Variants in FAM199X observed in about 807,000 individuals in gnomAD.
FAM199X encodes family with sequence similarity 199, X-linked.
Under a neutral mutation model 22.9 loss-of-function variants are expected in FAM199X, and 4 were observed. The observed-to-expected ratio is 0.17, with a 90% CI of 0.09 to 0.40. The LOEUF is 0.40. Ranked by LOEUF, FAM199X falls within the 10% of genes least tolerant of loss-of-function variation. The pLI is 1.00. For missense variants in FAM199X, 183 were observed against 306.8 expected, an observed-to-expected ratio of 0.60 and a Z score of 3.01; for synonymous variants, 101 against 112.3, an observed-to-expected ratio of 0.90 and a Z score of 0.64.
intron 1 of FAM199X, among the ~76,000 whole-genome samples, chrX:104,170,223 A>G (rs1421270862): frequency 1.8e-5 from 2 of 112,067 alleles, no homozygotes; most frequent in Non-Finnish European, 3.8e-5. Context: ...TTCAATCACC[A>G]TTAACCAGAA....
At position 104,191,658 on chromosome X, in the gene FAM199X, C is replaced by T. The variant is rs1403731261; in HGVS notation, c.*1880C>T. ...ACCTGCTCTTAGCAAAAGCAAAATC[C>T]CACAGAATGATTGCCTGCTGTCTTT... On this transcript the variant is annotated 3_prime_UTR_variant, in exon 6 of 6. Coordinates refer to ENST00000493442, the MANE Select transcript of FAM199X (RefSeq NM_207318.4). The T allele has an allele frequency of 4.5e-5, 5 of 111,713 alleles. No individual in the cohort carries two copies. The highest frequency in any genetic ancestry group is 1.6e-4 in the African/African-American group (5 of 30,803). The allele number at this position is 111,713 out of a possible 1,213,427, so 9.2% of individuals were successfully genotyped here.
chrX:104,184,039 A>G (rs1569467774), intron 2 of FAM199X, among the ~76,000 whole-genome samples: 1 of 112,002 alleles, frequency 8.9e-6, no homozygotes, highest in African/African-American at 3.2e-5. Context: ...CCCAAACTTT[A>G]ATCCTGCAGC....
At chrX:104,158,835 C>A in the FAM199X span, among the ~76,000 whole-genome samples, 10 of 111,239 alleles carry the variant, frequency 9.0e-5, no homozygotes, top group African/African-American at 3.0e-4. Context: ...CTGCCTTGTC[C>A]CTACCTCTGT....
intron 2 of FAM199X, among the ~76,000 whole-genome samples, chrX:104,183,581 C>G (rs1921718564): frequency 9.0e-6 from 1 of 110,852 alleles, no homozygotes. Context: ...ACTCCTACTT[C>G]AGCCTCCTGA....
intron 1 of FAM199X, among the ~76,000 whole-genome samples, chrX:104,172,487 T>C: frequency 9.0e-6 from 1 of 110,961 alleles, no homozygotes; most frequent in Non-Finnish European, 1.9e-5. Context: ...TTATTCTATT[T>C]TATGAATGAT....
the FAM199X span, among the ~76,000 whole-genome samples, chrX:104,158,549 A>C: frequency 8.9e-6 from 1 of 112,300 alleles, no homozygotes; most frequent in East Asian, 2.8e-4. Context: ...AGTAATTTCC[A>C]TATCAGCAGT....
intron 2 of FAM199X, among the ~76,000 whole-genome samples, chrX:104,177,926 C>T (rs1454488891): frequency 9.0e-6 from 1 of 111,727 alleles, no homozygotes; most frequent in East Asian, 2.8e-4. Flanking sequence ...TGTCCTTTGA[C>T]ACCAAAGTTT....
Position 104,194,999 on chromosome X carries a change from T to G in FAM199X, c.*5221T>G, listed in dbSNP as rs782414062. ...CAGTGTATATAAAGCCTGTTTTCCC[T>G]GAAGCTGTGAGGGAATAACAATAGT... is the stretch of plus-strand genomic sequence containing the variant. On this transcript the variant is annotated 3_prime_UTR_variant, in exon 6 of 6. Transcript: ENST00000493442. The G allele has an allele frequency of 9.1e-6, 1 of 110,143 alleles. No individual in the cohort carries two copies. Among genetic ancestry groups the G allele is most frequent in the Admixed American group, 9.9e-5 (1 of 10,136 alleles). The allele number at this position is 110,143 out of a possible 1,213,427, so 9.1% of individuals were successfully genotyped here.
upstream of FAM199X, among the ~76,000 whole-genome samples, chrX:104,163,095 T>TAC (rs35140355): frequency 0.046 from 4,425 of 95,277 alleles, 92 homozygotes; most frequent in African/African-American, 0.061. Flanking sequence ...CTCAGCTAAA[T>TAC]ACACACACAC....
chrX:104,185,980 C>A, intron 2 of FAM199X, 86 bp from the exon 3 acceptor site: 3 of 933,431 alleles, frequency 3.2e-6, no homozygotes, highest in Non-Finnish European at 4.4e-6. Flanking sequence ...AACTTTTAAT[C>A]GATGTGGAAA....
chrX:104,180,143 AT>A (rs782621299), intron 2 of FAM199X, among the ~76,000 whole-genome samples: 2 of 106,492 alleles, frequency 1.9e-5, no homozygotes, highest in East Asian at 2.9e-4. Context: ...ACAACCAGCT[AT>A]TTTTTTTTAA....
chrX:104,190,983 CAT>C lies in FAM199X; in HGVS notation c.*1206_*1207del, dbSNP rs1257578659. 2 of 111,821 alleles carry C rather than the reference CAT, an allele frequency of 1.8e-5. No homozygotes were observed. The highest frequency in any genetic ancestry group is 3.8e-5 in the Non-Finnish European group (2 of 53,113). The allele number at this position is 111,821 out of a possible 1,213,427, so 9.2% of individuals were successfully genotyped here. On this transcript the variant is annotated 3_prime_UTR_variant, in exon 6 of 6. Coordinates refer to ENST00000493442, the MANE Select transcript of FAM199X (RefSeq NM_207318.4). ...TAGCATTATTCCTTTTCTTCTACCA[CAT>C]GTCTTGAACATTCACATGGGTTAAA... is the stretch of plus-strand genomic sequence containing the variant.
At chrX:104,185,794 A>G (rs868916384) in intron 2 of FAM199X, among the ~76,000 whole-genome samples, 2 of 110,377 alleles carry the variant, frequency 1.8e-5, no homozygotes, top group Middle Eastern at 4.7e-3. Context: ...TAGTAGAGAC[A>G]GGGTTTCACC....
At chrX:104,161,617 C>T (rs1435480031), upstream of FAM199X, among the ~76,000 whole-genome samples, 6 of 111,020 alleles carry the variant, frequency 5.4e-5, no homozygotes, top group South Asian at 3.8e-4. Context: ...CCGAGGTGGG[C>T]GGATCACGAG....
the FAM199X span, among the ~76,000 whole-genome samples, chrX:104,160,152 C>CT: frequency 1.8e-5 from 2 of 112,014 alleles, no homozygotes; most frequent in African/African-American, 6.5e-5. Flanking sequence ...TGTAGGCCCT[C>CT]TGTTGTAGGC....
At chrX:104,166,227 T>G (rs1921174218), upstream of FAM199X, among the ~76,000 whole-genome samples, 1 of 113,102 alleles carries the variant, frequency 8.8e-6, no homozygotes, top group Non-Finnish European at 1.9e-5. Context: ...GGACTGCGGT[T>G]CCTGCTTAGT....
At chrX:104,167,896 TG>T (rs199681241) in intron 1 of FAM199X, among the ~76,000 whole-genome samples, 1 of 105,994 alleles carries the variant, frequency 9.4e-6, no homozygotes, top group Non-Finnish European at 1.9e-5. Flanking sequence ...TACAAAGGGC[TG>T]GGGGGGTGTG....
At chrX:104,178,987 A>C (rs139927669) in intron 2 of FAM199X, among the ~76,000 whole-genome samples, 1,660 of 111,360 alleles carry the variant, frequency 0.015, 19 homozygotes, top group African/African-American at 0.051. Flanking sequence ...AAAATTTACC[A>C]GGCGTGGTGG....
In FAM199X at chrX:104,193,914, T is replaced by C. The variant is rs1921998865; in HGVS notation, c.*4136T>C. 9.0e-6 allele frequency: 1 copy of C among 111,635 alleles called. No individual in the cohort carries two copies. The highest frequency in any genetic ancestry group is 3.2e-5 in the African/African-American group (1 of 30,799). The allele number at this position is 111,635 out of a possible 1,213,427, so 9.2% of individuals were successfully genotyped here. ...AACATAACTACTTATAATGCTTAGG[T>C]CTTATTTCTTTGGAAAATAAGTTAC... On this transcript the variant is annotated 3_prime_UTR_variant, in exon 6 of 6. Coordinates refer to ENST00000493442, the MANE Select transcript of FAM199X (RefSeq NM_207318.4).
Sources: allele counts gnomAD v4.1 joint callset (sites outside exome capture counted in the v4.1 genomes callset), GRCh38; gene constraint gnomAD v4.1.1; transcripts MANE v1.5; gene names NCBI Gene and HGNC (gene_info 2026-07-23, HGNC 2026-07-21).